The following PSMG2 variants were observed in gnomAD, a reference collection of about 807,000 sequenced individuals.
The protein encoded by PSMG2 is CD40 ligand-activated specific transcript 3.
Under a neutral mutation model 31.5 loss-of-function variants are expected in PSMG2, and 21 were observed. The observed-to-expected ratio is 0.67, with a 90% CI of 0.47 to 0.96. PSMG2 has a LOEUF of 0.96. Ranked by LOEUF, PSMG2 falls within the 40% of genes least tolerant of loss-of-function variation. The pLI is 0.00. For synonymous variants in PSMG2, 120 were observed against 110.4 expected (o/e 1.09, Z -0.54); for missense variants, 318 against 321.2 (o/e 0.99, Z 0.08).
chr18:12,668,842 G>A (rs1446498152), intron 1 of PSMG2, among the ~76,000 whole-genome samples: 2 of 141,718 alleles, frequency 1.4e-5, no homozygotes, highest in African/African-American at 2.6e-5. Context: ...CCGGGTTTAA[G>A]CGATTCCCCT....
chr18:12,725,570 C>G lies in PSMG2; in HGVS notation c.*39C>G. Reference sequence around the variant, plus strand: ...TTATACCTTATACCCAAAACACTTACTACCAACACAGCTGTTAAACATTCT... The same window carrying G: ...TTATACCTTATACCCAAAACACTTAGTACCAACACAGCTGTTAAACATTCT... On this transcript the variant is annotated 3_prime_UTR_variant, in exon 7 of 7. Transcript: ENST00000317615. The G allele has an allele frequency of 2.1e-6, 3 of 1,435,200 alleles. No homozygotes were observed. The highest frequency in any genetic ancestry group is 2.9e-6 in the Non-Finnish European group (3 of 1,029,084). 88.9% of individuals were successfully genotyped at this position (1,435,200 alleles called of 1,614,324 possible). A position where few individuals can be genotyped will look rare whatever the true frequency, so the allele number is the denominator to read the frequency against.
upstream of PSMG2, chr18:12,699,931 A>G (rs745414819): frequency 6.1e-6 from 9 of 1,463,766 alleles, no homozygotes; most frequent in Admixed American, 1.9e-4. Context: ...AAAAAAATCA[A>G]AACAAATTAG....
intron 5 of PSMG2, among the ~76,000 whole-genome samples, chr18:12,722,929 A>G (rs1433570863): frequency 6.6e-6 from 1 of 152,238 alleles, no homozygotes; most frequent in Non-Finnish European, 1.5e-5. Flanking sequence ...GCCTGAGGCC[A>G]TCACAGCAGA....
At chr18:12,720,264 T>G (rs2040418170) in intron 4 of PSMG2, among the ~76,000 whole-genome samples, 1 of 152,218 alleles carries the variant, frequency 6.6e-6, no homozygotes, top group Admixed American at 6.5e-5. Flanking sequence ...ATTACAGGCT[T>G]CATGGCAGAA....
intron 1 of PSMG2, chr18:12,661,383 C>G: frequency 1.0e-6 from 1 of 983,586 alleles, no homozygotes; most frequent in Non-Finnish European, 1.2e-6. Flanking sequence ...CTGCTGACCA[C>G]TCAAAGGCTA....
At chr18:12,715,405 T>G (rs576313492) in intron 3 of PSMG2, among the ~76,000 whole-genome samples, 127 of 152,298 alleles carry the variant, frequency 8.3e-4, no homozygotes, top group African/African-American at 3.0e-3. Context: ...TCTCAGTAAA[T>G]ATTTGCTAAG....
At chr18:12,702,796 C>T (rs944210535), upstream of PSMG2, 44 of 569,108 alleles carry the variant, frequency 7.7e-5, 1 homozygote, top group Admixed American at 1.4e-3. Flanking sequence ...CTGGCCCGCA[C>T]GCTGCCTGAT....
upstream of PSMG2, chr18:12,702,829 TC>T (rs1388822134): frequency 1.8e-6 from 1 of 560,614 alleles, no homozygotes; most frequent in Admixed American, 3.5e-5. Context: ...CCGCTCCACC[TC>T]CCCGCGGGCC....
chr18:12,668,019 C>G (rs2038840321), intron 1 of PSMG2, among the ~76,000 whole-genome samples: 1 of 151,910 alleles, frequency 6.6e-6, no homozygotes, highest in African/African-American at 2.4e-5. Context: ...AATCCCAGCA[C>G]TTTGGGAGGC....
At chr18:12,666,436 G>GTTTTTT (rs557490556) in intron 1 of PSMG2, among the ~76,000 whole-genome samples, 5 of 126,624 alleles carry the variant, frequency 3.9e-5, no homozygotes, top group African/African-American at 5.8e-5. Flanking sequence ...AAATTTTATG[G>GTTTTTT]TTTTTTTTTT....
Position 12,703,745 on chromosome 18 carries a change from G to T in PSMG2, c.57+581G>T, listed in dbSNP as rs140409439. 5.1e-3 allele frequency among the ~76,000 whole-genome samples: 784 copies of T among 152,308 alleles called. 18 individuals carry two copies. Among genetic ancestry groups the T allele is most frequent in the East Asian group, 0.024 (126 of 5,192 alleles). On this transcript the variant is annotated intron_variant, in intron 1 of 6. Transcript: ENST00000317615. ...TAGGCTAGAAGCTTGAAAGGGTATA[G>T]AAAGGTCCTGAGATAATTGGGAGGG...
upstream of PSMG2, chr18:12,700,958 A>G (rs754068368): frequency 5.6e-6 from 9 of 1,611,164 alleles, no homozygotes; most frequent in Admixed American, 1.7e-5. Context: ...GATTACTCAC[A>G]GTAACAAAAT....
intron 1 of PSMG2, chr18:12,674,871 A>C (rs1053442388): frequency 1.3e-5 from 7 of 544,770 alleles, no homozygotes; most frequent in Non-Finnish European, 2.2e-5. Flanking sequence ...AAGCTATCAT[A>C]ATATTTTAAT....
chr18:12,672,714 A>G (rs2144973362), intron 1 of PSMG2: 1 of 971,176 alleles, frequency 1.0e-6, no homozygotes, highest in South Asian at 4.8e-5. Context: ...CATTTTTACA[A>G]CAAATCACAG....
chr18:12,666,368 A>G (rs927122724), intron 1 of PSMG2, among the ~76,000 whole-genome samples: 2 of 151,564 alleles, frequency 1.3e-5, no homozygotes, highest in Non-Finnish European at 2.9e-5. Context: ...TTGCTAAGTA[A>G]TGGTCATTCT....
intron 5 of PSMG2, among the ~76,000 whole-genome samples, chr18:12,721,431 C>T (rs1349234110): frequency 3.3e-5 from 5 of 152,002 alleles, no homozygotes; most frequent in Admixed American, 6.6e-5. Context: ...TATATTTAAG[C>T]GTACAATCAA....
At chr18:12,694,722 C>CT (rs1279503136) in intron 1 of PSMG2, among the ~76,000 whole-genome samples, 2 of 134,282 alleles carry the variant, frequency 1.5e-5, no homozygotes, top group Non-Finnish European at 3.3e-5. Context: ...TTTTTTTTTT[C>CT]TTTTTTTGAG....
At chr18:12,660,720 A>C (rs944813153) in intron 1 of PSMG2, among the ~76,000 whole-genome samples, 5 of 151,952 alleles carry the variant, frequency 3.3e-5, no homozygotes, top group Admixed American at 6.6e-5. Flanking sequence ...ACATTACTGC[A>C]CTGTATCACA....
chr18:12,658,783 G>A (rs1257861956), intron 1 of PSMG2: 2 of 323,238 alleles, frequency 6.2e-6, no homozygotes, highest in Non-Finnish European at 1.3e-5. Flanking sequence ...GGTAAGCACC[G>A]TAAAGACGGG....
Sources: allele counts gnomAD v4.1 joint callset (sites outside exome capture counted in the v4.1 genomes callset), GRCh38; gene constraint gnomAD v4.1.1; transcripts MANE v1.5; gene names NCBI Gene and HGNC (gene_info 2026-07-23, HGNC 2026-07-21).